The following PRKD1 variants were observed in gnomAD, a reference collection of about 807,000 sequenced individuals.
PRKD1 encodes the protein protein kinase D1, also known as serine/threonine-protein kinase D1.
Under a neutral mutation model 95.9 loss-of-function variants are expected in PRKD1, and 63 were observed. The ratio of observed to expected loss-of-function variants is 0.66; its 90% CI spans 0.54 to 0.81. The LOEUF (loss-of-function observed/expected upper bound fraction) is 0.81. PRKD1 is among the 30% of genes least tolerant of loss of function. The pLI is 0.00. For synonymous variants in PRKD1, 425 were observed against 423.1 expected, an observed-to-expected ratio of 1.00 and a Z score of -0.05; for missense variants, 1,048 against 1,165.3, an observed-to-expected ratio of 0.90 and a Z score of 1.47.
At position 29,927,239 on chromosome 14, in the gene PRKD1, G is replaced by T; in HGVS notation, c.264+10C>A. On this transcript the variant is annotated intron_variant, in intron 1 of 17. Transcript: ENST00000331968. ...GGAGGCGCCGGGCTGGCAGCGGTGCGGCGACTTACCTTCTGGTCGACAATG... is the reference window on the plus strand; with the variant it reads ...GGAGGCGCCGGGCTGGCAGCGGTGCTGCGACTTACCTTCTGGTCGACAATG... 2.0e-6 allele frequency: 3 copies of T among 1,490,340 alleles called. No individual in the cohort carries two copies. Among genetic ancestry groups the T allele is most frequent in the South Asian group, 2.5e-5 (2 of 78,504 alleles). The allele number at this position is 1,490,340 out of a possible 1,614,324, so 92.3% of individuals were successfully genotyped here. A position where few individuals can be genotyped will look rare whatever the true frequency, so the allele number is the denominator to read the frequency against.
At chr14:29,713,079 C>T (rs1250904699) in intron 2 of PRKD1, among the ~76,000 whole-genome samples, 1 of 152,078 alleles carries the variant, frequency 6.6e-6, no homozygotes, top group Non-Finnish European at 1.5e-5. Flanking sequence ...TCTGCCTTTC[C>T]TTCCTTTTCT....
At chr14:29,595,012 C>A (rs1477468882) in intron 16 of PRKD1, among the ~76,000 whole-genome samples, 1 of 146,104 alleles carries the variant, frequency 6.8e-6, no homozygotes, top group African/African-American at 2.6e-5. Context: ...TTTTTGCCAT[C>A]CAGAGCTTTA....
chr14:29,789,296 C>G (rs1329214769), intron 1 of PRKD1, among the ~76,000 whole-genome samples: 1 of 152,098 alleles, frequency 6.6e-6, no homozygotes, highest in Non-Finnish European at 1.5e-5. Context: ...TTGGAGGTGT[C>G]ACGTTTCCTT....
intron 2 of PRKD1, among the ~76,000 whole-genome samples, chr14:29,702,735 T>C (rs1884900972): frequency 6.6e-6 from 1 of 152,132 alleles, no homozygotes; most frequent in Admixed American, 6.5e-5. Flanking sequence ...AAATGTCCTT[T>C]AGCGAAGTAA....
intron 2 of PRKD1, among the ~76,000 whole-genome samples, chr14:29,707,194 T>G (rs559830912): frequency 6.6e-6 from 1 of 152,068 alleles, no homozygotes; most frequent in East Asian, 1.9e-4. Flanking sequence ...GGGTTTTATA[T>G]AGAGAAATAT....
intron 1 of PRKD1, among the ~76,000 whole-genome samples, chr14:29,856,774 G>T (rs1892522170): frequency 6.6e-6 from 1 of 152,194 alleles, no homozygotes; most frequent in Admixed American, 6.5e-5. Flanking sequence ...ACATCTCTGA[G>T]GCTGGTAAGC....
chr14:29,624,317 C>A, intron 12 of PRKD1, 59 bp from the exon 13 acceptor site: 1 of 1,243,730 alleles, frequency 8.0e-7, no homozygotes, highest in South Asian at 1.6e-5. Context: ...TCTTAAAGAA[C>A]ACTAAAATTT....
In PRKD1 at chr14:29,827,229, A is replaced by AT. The variant is rs1037045057; in HGVS notation, c.264+100019dup. On this transcript the variant is annotated intron_variant, in intron 1 of 17. Coordinates refer to ENST00000331968, the MANE Select transcript of PRKD1 (RefSeq NM_002742.3). ...CTGTTCCCCCCAAATCTAGCAAATAATTTTTTTTAAAAAAGACAGGGGATT... is the reference window on the plus strand; with the variant it reads ...CTGTTCCCCCCAAATCTAGCAAATAATTTTTTTTTAAAAAAGACAGGGGATT... Among the ~76,000 whole-genome samples the AT allele has an allele frequency of 1.1e-4, 17 of 151,736 alleles. 1 individual carries two copies. Among genetic ancestry groups the AT allele is most frequent in the Admixed American group, 9.2e-4 (14 of 15,188 alleles).
chr14:29,816,325 A>G lies in PRKD1; in HGVS notation c.265-90651T>C, dbSNP rs539968247. The stretch of plus-strand genomic sequence containing the variant: ...GTAGTTTTGGGAAATCAGTACAGAA[A>G]GAAAACCAAGCTTCCTGAGCTACCA... On this transcript the variant is annotated intron_variant, in intron 1 of 17. Transcript: ENST00000331968. Among the ~76,000 whole-genome samples the G allele has an allele frequency of 1.9e-4, 29 of 152,380 alleles. 1 individual carries two copies. Among genetic ancestry groups the G allele is most frequent in the Middle Eastern group, 6.8e-3 (2 of 294 alleles).
intron 7 of PRKD1, among the ~76,000 whole-genome samples, chr14:29,635,316 C>T (rs1880294573): frequency 6.6e-6 from 1 of 151,862 alleles, no homozygotes; most frequent in East Asian, 1.9e-4. Flanking sequence ...TCTCTTCATC[C>T]CTCCCTCCTT....
intron 16 of PRKD1, among the ~76,000 whole-genome samples, chr14:29,581,521 A>G (rs1477666844): frequency 6.6e-6 from 1 of 152,200 alleles, no homozygotes; most frequent in African/African-American, 2.4e-5. Context: ...CTCCTAGGCA[A>G]TACAGCTGAA....
chr14:29,921,751 T>C (rs1030878056), intron 1 of PRKD1, among the ~76,000 whole-genome samples: 1 of 152,198 alleles, frequency 6.6e-6, no homozygotes. Context: ...AGTCATGAAG[T>C]ATGGTCTTCT....
Position 29,853,471 on chromosome 14 carries a change from A to C in PRKD1, c.264+73778T>G, listed in dbSNP as rs556345796. 3.3e-5 allele frequency among the ~76,000 whole-genome samples: 5 copies of C among 152,280 alleles called. No individual in the cohort carries two copies. The East Asian group carries it at 9.6e-4, about 29-fold the overall frequency. ...TGGCAGAGATGATTACTTTAGCTTTAATTTATAAACTAGGAAACCAAGGCC... is the reference window on the plus strand; with the variant it reads ...TGGCAGAGATGATTACTTTAGCTTTCATTTATAAACTAGGAAACCAAGGCC... On this transcript the variant is annotated intron_variant, in intron 1 of 17. Coordinates refer to ENST00000331968, the MANE Select transcript of PRKD1 (RefSeq NM_002742.3).
intron 2 of PRKD1, among the ~76,000 whole-genome samples, chr14:29,700,781 T>G (rs959388): frequency 0.51 from 77,179 of 151,880 alleles, 21,873 homozygotes; most frequent in African/African-American, 0.77. Flanking sequence ...AAGACTGACC[T>G]CCCCTGAAGA....
At chr14:29,792,440 G>A (rs934104005) in intron 1 of PRKD1, among the ~76,000 whole-genome samples, 2 of 152,096 alleles carry the variant, frequency 1.3e-5, no homozygotes, top group African/African-American at 4.8e-5. Context: ...AGTTAACACT[G>A]TGAACATTTC....
chr14:29,836,181 C>T (rs1234304728), intron 1 of PRKD1, among the ~76,000 whole-genome samples: 1 of 152,116 alleles, frequency 6.6e-6, no homozygotes, highest in Non-Finnish European at 1.5e-5. Flanking sequence ...AATACAGCTA[C>T]CCAACTGCAA....
chr14:29,842,361 G>T (rs765625735), intron 1 of PRKD1, among the ~76,000 whole-genome samples: 4 of 152,250 alleles, frequency 2.6e-5, no homozygotes, highest in Non-Finnish European at 5.9e-5. Context: ...CAGCAGGCTT[G>T]TTGACACCAG....
chr14:29,674,012 A>G (rs2139242087), intron 2 of PRKD1, among the ~76,000 whole-genome samples: 1 of 152,240 alleles, frequency 6.6e-6, no homozygotes, highest in East Asian at 1.9e-4. Context: ...TCACTGGATT[A>G]TGAGGAAGAC....
chr14:29,736,944 A>G (rs1279855559), intron 1 of PRKD1, among the ~76,000 whole-genome samples: 1 of 152,210 alleles, frequency 6.6e-6, no homozygotes, highest in Non-Finnish European at 1.5e-5. Flanking sequence ...GCCAATCACA[A>G]AAGGCAAGCA....
Sources: allele counts gnomAD v4.1 joint callset (sites outside exome capture counted in the v4.1 genomes callset), GRCh38; gene constraint gnomAD v4.1.1; transcripts MANE v1.5; gene names NCBI Gene and HGNC (gene_info 2026-07-23, HGNC 2026-07-21).